RBPMS: variants seen among roughly 807,000 people sequenced by gnomAD.
RBPMS encodes RNA binding protein, mRNA processing factor, also known as RNA-binding protein with multiple splicing.
In RBPMS, 7 loss-of-function variants were observed where a neutral mutation model predicts 26.8. The observed-to-expected ratio is 0.26, with a 90% CI of 0.15 to 0.49. The LOEUF is 0.49. Among genes scored for constraint, RBPMS ranks in the 20% least tolerant of loss-of-function variants. The pLI, the probability that RBPMS is intolerant of heterozygous loss-of-function variation, is 0.98. For synonymous variants in RBPMS, 96 were observed against 93.3 expected (o/e 1.03, Z -0.17); for missense variants, 186 against 250.0 (o/e 0.74, Z 1.73).
rs1812048017 is a variant in RBPMS at position 30,432,510 on chromosome 8, A to G, written c.67-42269A>G. On this transcript the variant is annotated intron_variant, in intron 1 of 8. Transcript: ENST00000397323. ...CTTAAATCCTCCTTGGAAGGAAACG[A>G]TTTCATCAGTCAGGAATTATTGTTT... Among the ~76,000 whole-genome samples, 3 of 152,268 alleles carry G rather than the reference A, an allele frequency of 2.0e-5. No individual in the cohort carries two copies. The South Asian group carries it at 6.2e-4, about 32-fold the overall frequency.
intron 5 of RBPMS, among the ~76,000 whole-genome samples, chr8:30,521,995 C>T (rs985929498): frequency 6.6e-6 from 1 of 152,088 alleles, no homozygotes; most frequent in Non-Finnish European, 1.5e-5. Flanking sequence ...ATTATGGTGA[C>T]TGTAGTTAAT....
At chr8:30,557,735 T>C (rs1463131162) in intron 6 of RBPMS, among the ~76,000 whole-genome samples, 1 of 152,228 alleles carries the variant, frequency 6.6e-6, no homozygotes, top group Non-Finnish European at 1.5e-5. Context: ...ATGGTGGTCA[T>C]GGGGAGACCA....
chr8:30,518,744 A>G (rs1159339936), intron 5 of RBPMS, among the ~76,000 whole-genome samples: 2 of 91,238 alleles, frequency 2.2e-5, no homozygotes, highest in Non-Finnish European at 4.0e-5. Flanking sequence ...TTTAGCTGTC[A>G]TTTAATTGAA....
chr8:30,475,235 G>A (rs1049667346), intron 2 of RBPMS, among the ~76,000 whole-genome samples: 7 of 152,130 alleles, frequency 4.6e-5, no homozygotes, highest in African/African-American at 1.7e-4. Flanking sequence ...GGATACCTAG[G>A]TGTAAGTTGA....
chr8:30,497,763 C>T (rs1470776043), intron 4 of RBPMS, among the ~76,000 whole-genome samples: 1 of 151,966 alleles, frequency 6.6e-6, no homozygotes, highest in Non-Finnish European at 1.5e-5. Context: ...GCTGGGACTA[C>T]AGGCGCCCGC....
intron 7 of RBPMS, among the ~76,000 whole-genome samples, chr8:30,562,320 G>C (rs1304090525): frequency 4.0e-5 from 5 of 125,638 alleles, no homozygotes; most frequent in African/African-American, 9.1e-5. Context: ...GACAGAGCAA[G>C]ACTGTCGAAA....
intron 5 of RBPMS, among the ~76,000 whole-genome samples, chr8:30,516,786 C>G (rs1211292923): frequency 1.3e-5 from 2 of 152,006 alleles, no homozygotes; most frequent in Non-Finnish European, 2.9e-5. Context: ...CCCAGCTACT[C>G]AGGAGGCTAA....
chr8:30,506,893 G>A (rs1324879802), intron 5 of RBPMS, among the ~76,000 whole-genome samples: 3 of 152,078 alleles, frequency 2.0e-5, no homozygotes, highest in South Asian at 2.1e-4. Flanking sequence ...GAACTTAAAC[G>A]AGCACCCAAT....
At chr8:30,502,643 C>G (rs1178250043) in intron 4 of RBPMS, among the ~76,000 whole-genome samples, 1 of 152,102 alleles carries the variant, frequency 6.6e-6, no homozygotes, top group African/African-American at 2.4e-5. Context: ...TACGTAACAC[C>G]CAGGGACTGT....
At chr8:30,479,525 G>A in intron 4 of RBPMS, 148 bp downstream of exon 4, 1 of 691,144 alleles carries the variant, frequency 1.4e-6, no homozygotes. Flanking sequence ...ACTCTAAAGA[G>A]CTTTTTCCAA....
At chr8:30,514,263 G>A (rs1261215597) in intron 5 of RBPMS, among the ~76,000 whole-genome samples, 2 of 152,162 alleles carry the variant, frequency 1.3e-5, no homozygotes, top group Admixed American at 6.5e-5. Flanking sequence ...GATTGTGACA[G>A]AATGGGGAGT....
intron 4 of RBPMS, among the ~76,000 whole-genome samples, chr8:30,497,522 G>C (rs551604555): frequency 1.3e-5 from 2 of 152,194 alleles, no homozygotes; most frequent in Middle Eastern, 3.4e-3. Flanking sequence ...CTCCAGCCCG[G>C]GTGACAGAGT....
intron 5 of RBPMS, among the ~76,000 whole-genome samples, chr8:30,506,657 A>G (rs948208719): frequency 3.9e-5 from 6 of 152,238 alleles, no homozygotes; most frequent in Non-Finnish European, 8.8e-5. Context: ...TATCAGGTGT[A>G]GAATATAATG....
chr8:30,511,508 T>C (rs1821674830), intron 5 of RBPMS, among the ~76,000 whole-genome samples: 1 of 8,172 alleles, frequency 1.2e-4, no homozygotes, highest in African/African-American at 1.8e-4. Flanking sequence ...TATATATATA[T>C]ATATATATAT....
intron 4 of RBPMS, among the ~76,000 whole-genome samples, chr8:30,500,783 A>G (rs1403209518): frequency 6.6e-6 from 1 of 152,168 alleles, no homozygotes; most frequent in Non-Finnish European, 1.5e-5. Flanking sequence ...GGTCAGAGGA[A>G]TAAGGGCACA....
chr8:30,521,707 CT>C (rs35309640), intron 5 of RBPMS, among the ~76,000 whole-genome samples: 40,206 of 152,044 alleles, frequency 0.26, 5,575 homozygotes, highest in East Asian at 0.4. Flanking sequence ...CTCTACCCCC[CT>C]TTTTTTAGGC....
At chr8:30,513,844 C>T (rs948241646) in intron 5 of RBPMS, among the ~76,000 whole-genome samples, 3 of 152,114 alleles carry the variant, frequency 2.0e-5, no homozygotes, top group African/African-American at 7.2e-5. Context: ...ATTGTTGATG[C>T]AGGCTCCCTT....
chr8:30,488,892 C>T (rs952806667), intron 4 of RBPMS, among the ~76,000 whole-genome samples: 14 of 152,080 alleles, frequency 9.2e-5, no homozygotes, highest in Non-Finnish European at 1.8e-4. Flanking sequence ...TGTGGGTGTC[C>T]GAATCCAGCG....
At chr8:30,506,604 A>G (rs563781808) in intron 5 of RBPMS, among the ~76,000 whole-genome samples, 1 of 152,282 alleles carries the variant, frequency 6.6e-6, no homozygotes, top group Non-Finnish European at 1.5e-5. Context: ...ACCCACTTGC[A>G]TTGTACTCAG....
Sources: gnomAD v4.1 joint callset for allele counts (sites outside exome capture counted in the v4.1 genomes callset) on GRCh38, gnomAD v4.1.1 for gene constraint, MANE v1.5 for transcripts, NCBI Gene and HGNC (gene_info 2026-07-23, HGNC 2026-07-21) for gene names.